The following ADAM11 variants were observed in gnomAD, a reference collection of about 807,000 sequenced individuals.
ADAM11 encodes disintegrin and metalloproteinase domain-containing protein 11.
Under a neutral mutation model 119.1 loss-of-function variants are expected in ADAM11, and 49 were observed. The ratio of observed to expected loss-of-function variants is 0.41; its 90% CI spans 0.33 to 0.52. The LOEUF is 0.52. Ranked by LOEUF, ADAM11 falls within the 20% of genes least tolerant of loss-of-function variation. The pLI is 0.20. For missense variants in ADAM11, 777 were observed against 1,047.5 expected (o/e 0.74, Z 3.56); for synonymous variants, 364 against 408.0 (o/e 0.89, Z 1.30).
At position 44,772,720 on chromosome 17, in the gene ADAM11, C is replaced by A; in HGVS notation, c.679-137C>A. ...TTCCAAAGCTGAGGAAGGACAGGACCCTCTGCCAGTGGGGAGCTGGCACTG... is the reference window on the plus strand; with the variant it reads ...TTCCAAAGCTGAGGAAGGACAGGACACTCTGCCAGTGGGGAGCTGGCACTG... On this transcript the variant is annotated intron_variant, in intron 8 of 26. Coordinates refer to ENST00000200557, the MANE Select transcript of ADAM11 (RefSeq NM_002390.6). The surrounding 1 kb of genome is among the most constrained non-coding windows in gnomAD (Gnocchi z 4.5). The A allele has an allele frequency of 1.1e-6, 1 of 920,884 alleles. No homozygotes were observed. The highest frequency in any genetic ancestry group is 1.7e-6 in the Non-Finnish European group (1 of 597,480). 57.0% of individuals were successfully genotyped at this position (920,884 alleles called of 1,614,324 possible). A position where few individuals can be genotyped will look rare whatever the true frequency, so the allele number is the denominator to read the frequency against.
At chr17:44,767,352 CT>C (rs2049462867) in intron 2 of ADAM11, among the ~76,000 whole-genome samples, 1 of 106,360 alleles carries the variant, frequency 9.4e-6, no homozygotes, top group Non-Finnish European at 1.9e-5. Flanking sequence ...GAGACTCCAT[CT>C]CAAAAAAAAA....
Position 44,776,687 on chromosome 17 carries a change from G to T in ADAM11, c.1567-58G>T, listed in dbSNP as rs8064902. On this transcript the variant is annotated intron_variant, in intron 18 of 26. Coordinates refer to ENST00000200557, the MANE Select transcript of ADAM11 (RefSeq NM_002390.6). This position sits in a 1 kb window ranked among gnomAD's most constrained non-coding sequence, Gnocchi z 5.2. ...TGGTACCCCAGCATTCCTCCCTGGG[G>T]CAGCCCTCAGCTCCAGTCCTGGGAC... 5,766 of 1,597,060 alleles carry T rather than the reference G, an allele frequency of 3.6e-3. 152 individuals are homozygous for T. The African/African-American group carries it at 0.067, about 19-fold the overall frequency.
At position 44,773,185 on chromosome 17, in the gene ADAM11, G is replaced by A; in HGVS notation, c.826-76G>A. ...CAGCCCCTGGCTCCCACTTCCTGGAGAGAACAGACAGGCCCTCCTCCAGCC... is the reference window on the plus strand; with the variant it reads ...CAGCCCCTGGCTCCCACTTCCTGGAAAGAACAGACAGGCCCTCCTCCAGCC... On this transcript the variant is annotated intron_variant, in intron 10 of 26. Transcript: ENST00000200557. The surrounding 1 kb of genome is among the most constrained non-coding windows in gnomAD (Gnocchi z 4.6). 6.9e-6 allele frequency: 11 copies of A among 1,598,364 alleles called. No homozygotes were observed. Among genetic ancestry groups the A allele is most frequent in the Middle Eastern group, 3.3e-4 (2 of 5,994 alleles).
At chr17:44,766,032 A>G (rs1022035637) in intron 2 of ADAM11, among the ~76,000 whole-genome samples, 1 of 149,120 alleles carries the variant, frequency 6.7e-6, no homozygotes, top group Non-Finnish European at 1.5e-5. Context: ...AGGGAAAAAA[A>G]GCAGGCATCG....
chr17:44,774,682 C>G lies in ADAM11; in HGVS notation c.1169-16C>G. On this transcript the variant is annotated splice_polypyrimidine_tract_variant and intron_variant, in intron 13 of 26. Coordinates refer to ENST00000200557, the MANE Select transcript of ADAM11 (RefSeq NM_002390.6). ...GGTCCTTGGCCTCCCTCATATCCGCCTGGCTCACCCCTCAGGGGACTGCAA... is the reference window on the plus strand; with the variant it reads ...GGTCCTTGGCCTCCCTCATATCCGCGTGGCTCACCCCTCAGGGGACTGCAA... 6.3e-7 allele frequency: 1 copy of G among 1,591,884 alleles called. No homozygotes were observed. Among genetic ancestry groups the G allele is most frequent in the Non-Finnish European group, 8.6e-7 (1 of 1,168,320 alleles).
chr17:44,770,500 G>A (rs74408099), intron 4 of ADAM11, among the ~76,000 whole-genome samples: 2 of 20,946 alleles, frequency 9.5e-5, no homozygotes, highest in East Asian at 4.5e-3. Context: ...CCCCCCCCCC[G>A]CCCCCACTGC....
chr17:44,777,322 C>T lies in ADAM11; in HGVS notation c.1781+57C>T, dbSNP rs1318378252. 1 of 1,554,992 alleles carries T rather than the reference C, an allele frequency of 6.4e-7. No homozygotes were observed. The highest frequency in any genetic ancestry group is 1.8e-5 in the Admixed American group (1 of 56,278). ...GCTCCAGGGCAGGTGTGAGACTTTT[C>T]AGAGATGGGGCAGCAGGTTCTCCCA... On this transcript the variant is annotated intron_variant, in intron 21 of 26. Transcript: ENST00000200557. The surrounding 1 kb of genome is among the most constrained non-coding windows in gnomAD (Gnocchi z 5.1).
chr17:44,769,973 C>G lies in ADAM11; in HGVS notation c.315-9C>G. On this transcript the variant is annotated splice_polypyrimidine_tract_variant and intron_variant, in intron 3 of 26. Coordinates refer to ENST00000200557, the MANE Select transcript of ADAM11 (RefSeq NM_002390.6). The stretch of plus-strand genomic sequence containing the variant: ...GTGACCCCCCTTCCTGCTGCCCCCT[C>G]TGTCTCAGCCACCTCCTCTCCTCGC... 6.2e-7 allele frequency: 1 copy of G among 1,614,062 alleles called. No individual in the cohort carries two copies. Among genetic ancestry groups the G allele is most frequent in the African/African-American group, 1.3e-5 (1 of 75,062 alleles).
At position 44,776,081 on chromosome 17, in the gene ADAM11, CGAGGCATCCATCCTGCCT is replaced by C. The variant is rs1474298150; in HGVS notation, c.1486-43_1486-26del. 6.2e-7 allele frequency: 1 copy of C among 1,600,922 alleles called. No homozygotes were observed. The highest frequency in any genetic ancestry group is 1.7e-5 in the Admixed American group (1 of 59,768). ...GCGAGGGGCCTGGGGAGGGCAGGGC[CGAGGCATCCATCCTGCCT>C]GACTCGAGGAGCGCGTCTCTTCCCT... is the stretch of plus-strand genomic sequence containing the variant. On this transcript the variant is annotated intron_variant, in intron 17 of 26. Transcript: ENST00000200557. This position sits in a 1 kb window ranked among gnomAD's most constrained non-coding sequence, Gnocchi z 5.2.
intron 12 of ADAM11, 37 bp from the exon 13 acceptor site, chr17:44,774,455 G>T (rs539162284): frequency 6.2e-7 from 1 of 1,606,222 alleles, no homozygotes. Flanking sequence ...CCTGTTGGAA[G>T]ATGTAGACAT....
chr17:44,771,847 C>T lies in ADAM11; in HGVS notation c.543+16C>T. The T allele has an allele frequency of 6.3e-7, 1 of 1,594,168 alleles. No homozygotes were observed. Among genetic ancestry groups the T allele is most frequent in the East Asian group, 2.3e-5 (1 of 44,400 alleles). On this transcript the variant is annotated intron_variant, in intron 6 of 26. Coordinates refer to ENST00000200557, the MANE Select transcript of ADAM11 (RefSeq NM_002390.6). ...AGCCCCTCAGGTAAGCCCCACACAA[C>T]CCCTTGCCATCCTCTCTGGTGGCCC...
intron 14 of ADAM11, 82 bp downstream of exon 14, chr17:44,774,831 G>C: frequency 3.3e-6 from 5 of 1,526,334 alleles, no homozygotes; most frequent in Non-Finnish European, 4.4e-6. Flanking sequence ...TCTGGACCAG[G>C]GGGCTCAAGA....
chr17:44,760,775 AG>A (rs2049379774), intron 2 of ADAM11, among the ~76,000 whole-genome samples: 1 of 151,916 alleles, frequency 6.6e-6, no homozygotes, highest in African/African-American at 2.4e-5. Flanking sequence ...GGCTGGGCAG[AG>A]GGAGGAAGGA....
In ADAM11 at chr17:44,772,144, A is replaced by G; in HGVS notation, c.544-123A>G. 3.2e-6 allele frequency: 3 copies of G among 936,694 alleles called. No homozygotes were observed. The highest frequency in any genetic ancestry group is 4.8e-6 in the Non-Finnish European group (3 of 621,236). 58.0% of individuals were successfully genotyped at this position (936,694 alleles called of 1,614,324 possible). A position where few individuals can be genotyped will look rare whatever the true frequency, so the allele number is the denominator to read the frequency against. On this transcript the variant is annotated intron_variant, in intron 6 of 26. Transcript: ENST00000200557. This position sits in a 1 kb window ranked among gnomAD's most constrained non-coding sequence, Gnocchi z 4.5. ...TCTGGGAGATCAGATCCGACATGGG[A>G]GCTGTGGCCAGTTCTGGGTCACCCC...
In ADAM11 at chr17:44,772,546, G is replaced by A. The variant is rs1398565601; in HGVS notation, c.678+80G>A. The stretch of plus-strand genomic sequence containing the variant: ...CTCAGGCCGTGGCCCAGAGCAGGAG[G>A]GCACCCTCATCTATGGCTGGGGCGA... On this transcript the variant is annotated intron_variant, in intron 8 of 26. Transcript: ENST00000200557. The surrounding 1 kb of genome is among the most constrained non-coding windows in gnomAD (Gnocchi z 4.5). 4.0e-6 allele frequency: 6 copies of A among 1,489,560 alleles called. No individual in the cohort carries two copies. In the African/African-American group the frequency reaches 8.4e-5, roughly 21 times the overall value. The allele number at this position is 1,489,560 out of a possible 1,614,324, so 92.3% of individuals were successfully genotyped here.
At chr17:44,763,024 T>G (rs955223037) in intron 2 of ADAM11, among the ~76,000 whole-genome samples, 1 of 151,296 alleles carries the variant, frequency 6.6e-6, no homozygotes, top group Admixed American at 6.6e-5. Context: ...TAGTCCCAGC[T>G]ACTTGGGAGG....
intron 2 of ADAM11, among the ~76,000 whole-genome samples, chr17:44,768,339 CGGTGTCCTT>C (rs962991649): frequency 9.2e-5 from 14 of 152,190 alleles, no homozygotes; most frequent in African/African-American, 3.4e-4. Flanking sequence ...TAGGGTGAGT[CGGTGTCCTT>C]GGGGCGCAAA....
chr17:44,772,457 G>C lies in ADAM11; in HGVS notation c.669G>C (p.Arg223Ser). Reference protein sequence around the residue: ...SAPPNRPRLRRKRQVRRGHPT... With the variant: ...SAPPNRPRLRSKRQVRRGHPT... Reference sequence around the variant, plus strand: ...CTCCAAACCGGCCGAGGCTGAGAAGGAAAAGGCAGGTACGGGGGCCCGCAC... The same window carrying C: ...CTCCAAACCGGCCGAGGCTGAGAAGCAAAAGGCAGGTACGGGGGCCCGCAC... The change falls in exon 8 of 27, where the codon AGG becomes AGC. Residue 223 changes from arginine (R) to serine (S), a missense_variant. Arg to Ser is a moderately radical substitution (Grantham distance 110). Coordinates refer to ENST00000200557, the MANE Select transcript of ADAM11 (RefSeq NM_002390.6). This position sits in a 1 kb window ranked among gnomAD's most constrained non-coding sequence, Gnocchi z 4.5. The C allele has an allele frequency of 6.4e-7, 1 of 1,571,524 alleles. No homozygotes were observed. The highest frequency in any genetic ancestry group is 8.6e-7 in the Non-Finnish European group (1 of 1,158,254).
At chr17:44,761,561 C>G (rs1487176556) in intron 2 of ADAM11, among the ~76,000 whole-genome samples, 1 of 152,040 alleles carries the variant, frequency 6.6e-6, no homozygotes, top group East Asian at 1.9e-4. Context: ...TGAGGGGTGT[C>G]TGAGAGCCTG....
Sources: allele counts gnomAD v4.1 joint callset (sites outside exome capture counted in the v4.1 genomes callset), GRCh38; gene constraint gnomAD v4.1.1; non-coding constraint Gnocchi (gnomAD v3.1); transcripts MANE v1.5; gene names NCBI Gene and HGNC (gene_info 2026-07-23, HGNC 2026-07-21).